The following MB21D2 variants were observed in gnomAD, a reference collection of about 807,000 sequenced individuals.
The protein encoded by MB21D2 is nucleotidyltransferase MB21D2.
In MB21D2, 9 loss-of-function variants were observed where a neutral mutation model predicts 33.3. That is an observed-to-expected ratio of 0.27 (90% CI 0.16 to 0.47). The LOEUF (loss-of-function observed/expected upper bound fraction) is 0.47. Among genes scored for constraint, MB21D2 ranks in the 20% least tolerant of loss-of-function variants. The probability of loss-of-function intolerance (pLI) is 0.99; values close to 1 mark genes in which losing one functional copy is unlikely to be tolerated. For missense variants in MB21D2, 540 were observed against 624.6 expected (o/e 0.86, Z 1.44); for synonymous variants, 241 against 236.3 (o/e 1.02, Z -0.18).
At chr3:192,851,701 T>C (rs1660332858) in intron 1 of MB21D2, among the ~76,000 whole-genome samples, 2 of 152,104 alleles carry the variant, frequency 1.3e-5, no homozygotes, top group East Asian at 1.9e-4. Flanking sequence ...GGTTTTGCCA[T>C]GTTTGCCAGG....
chr3:192,897,519 G>A (rs574132614), intron 1 of MB21D2, among the ~76,000 whole-genome samples: 2 of 152,188 alleles, frequency 1.3e-5, no homozygotes, highest in Admixed American at 6.5e-5. Context: ...ATTCAGTCCG[G>A]GTGATTATGG....
chr3:192,917,135 A>G (rs1344967084), intron 1 of MB21D2, among the ~76,000 whole-genome samples: 5 of 152,224 alleles, frequency 3.3e-5, no homozygotes, highest in African/African-American at 4.8e-5. Flanking sequence ...CCGCGAGACG[A>G]CAGAAGCAAC....
chr3:192,804,434 C>T (rs1165422016), intron 1 of MB21D2, among the ~76,000 whole-genome samples: 3 of 135,972 alleles, frequency 2.2e-5, no homozygotes, highest in Admixed American at 1.6e-4. Context: ...GATACACACA[C>T]ACACACACAC....
chr3:192,847,643 A>C (rs776326030), intron 1 of MB21D2, among the ~76,000 whole-genome samples: 6 of 152,298 alleles, frequency 3.9e-5, no homozygotes, highest in Non-Finnish European at 4.4e-5. Context: ...GACAAACAAC[A>C]ATTCCCAATT....
intron 1 of MB21D2, among the ~76,000 whole-genome samples, chr3:192,855,565 C>T (rs1712898602): frequency 1.3e-5 from 2 of 152,112 alleles, no homozygotes; most frequent in African/African-American, 2.4e-5. Context: ...TTGAGGTATA[C>T]CTCTATGCAG....
At chr3:192,879,488 C>A (rs1422432607) in intron 1 of MB21D2, among the ~76,000 whole-genome samples, 1 of 152,250 alleles carries the variant, frequency 6.6e-6, no homozygotes, top group African/African-American at 2.4e-5. Context: ...TGAACTGCGT[C>A]CTTCATACTC....
At chr3:192,861,185 A>G (rs1211210469) in intron 1 of MB21D2, among the ~76,000 whole-genome samples, 2 of 152,216 alleles carry the variant, frequency 1.3e-5, no homozygotes, top group African/African-American at 2.4e-5. Context: ...CAAGAAGTGG[A>G]GCCAGGTATG....
intron 1 of MB21D2, among the ~76,000 whole-genome samples, chr3:192,814,012 C>T (rs750780937): frequency 1.3e-5 from 2 of 152,156 alleles, no homozygotes; most frequent in Admixed American, 6.5e-5. Flanking sequence ...TTCCACATGG[C>T]TTATTAACAA....
intron 1 of MB21D2, among the ~76,000 whole-genome samples, chr3:192,853,028 GTC>G (rs10541418): frequency 0.051 from 7,483 of 147,798 alleles, 345 homozygotes; most frequent in East Asian, 0.14. Context: ...ATCTCTCTCT[GTC>G]TCTCTCTCTC....
intron 1 of MB21D2, among the ~76,000 whole-genome samples, chr3:192,812,076 C>T (rs1376942403): frequency 6.6e-6 from 1 of 152,030 alleles, no homozygotes; most frequent in African/African-American, 2.4e-5. Context: ...GAGATGGAGT[C>T]TCACTCTGTT....
At chr3:192,909,271 A>AT (rs200973643) in intron 1 of MB21D2, among the ~76,000 whole-genome samples, 5,548 of 151,210 alleles carry the variant, frequency 0.037, 116 homozygotes, top group African/African-American at 0.05. Context: ...AAAAAAATAA[A>AT]AAATAAAAAA....
chr3:192,901,718 A>G (rs1679820575), intron 1 of MB21D2, among the ~76,000 whole-genome samples: 1 of 152,238 alleles, frequency 6.6e-6, no homozygotes, highest in South Asian at 2.1e-4. Context: ...AAAGAGGCCA[A>G]TCCCTTAGTT....
At chr3:192,880,414 AAAGTC>A (rs1713534655) in intron 1 of MB21D2, among the ~76,000 whole-genome samples, 1 of 152,118 alleles carries the variant, frequency 6.6e-6, no homozygotes, top group Admixed American at 6.5e-5. Flanking sequence ...ATGCTGAGAC[AAAGTC>A]TGGGGTTCAA....
intron 1 of MB21D2, among the ~76,000 whole-genome samples, chr3:192,828,939 G>T (rs981705451): frequency 1.3e-5 from 2 of 151,408 alleles, no homozygotes; most frequent in African/African-American, 4.9e-5. Context: ...ATAAGCCAAC[G>T]TGCCCGGCCA....
intron 1 of MB21D2, among the ~76,000 whole-genome samples, chr3:192,908,669 C>G (rs1246973547): frequency 1.3e-5 from 2 of 151,680 alleles, no homozygotes; most frequent in Non-Finnish European, 2.9e-5. Flanking sequence ...CCGCCCTCCT[C>G]GGCCTCCCAA....
In MB21D2 at chr3:192,799,406, G is replaced by A; in HGVS notation, c.456C>T (p.Leu152=). 6.2e-7 allele frequency: 1 copy of A among 1,614,256 alleles called. No homozygotes were observed. The highest frequency in any genetic ancestry group is 8.5e-7 in the Non-Finnish European group (1 of 1,180,046). The stretch of plus-strand genomic sequence containing the variant: ...ATTTACTGATTGTCCCCTCATCAAA[G>A]AGCCGAAGGCTCAGCCAAGAGTGGC... ...ALCHSWLSLR[L]FDEGTISKWK... Residue 152 remains leucine, a synonymous_variant, in exon 2 of 2, where the codon CTC becomes CTT. Transcript: ENST00000392452. This position sits in a 1 kb window ranked among gnomAD's most constrained non-coding sequence, Gnocchi z 4.1.
At chr3:192,912,176 C>T (rs558945452) in intron 1 of MB21D2, among the ~76,000 whole-genome samples, 4 of 152,290 alleles carry the variant, frequency 2.6e-5, no homozygotes, top group African/African-American at 7.2e-5. Flanking sequence ...AGCAAAATAT[C>T]CTGCTAGAGT....
chr3:192,873,168 A>G lies in MB21D2; in HGVS notation c.211+44462T>C, dbSNP rs78048967. 6.1e-4 allele frequency among the ~76,000 whole-genome samples: 93 copies of G among 152,136 alleles called. 1 individual carries two copies. The East Asian group carries it at 0.014, about 23-fold the overall frequency. ...CCCTGGCTCTATCTGCCTCCCTCCA[A>G]TTTGACAAGGGCTACAATAGAATGG... On this transcript the variant is annotated intron_variant, in intron 1 of 1. Transcript: ENST00000392452.
At chr3:192,899,714 A>G (rs1714052354) in intron 1 of MB21D2, among the ~76,000 whole-genome samples, 1 of 142,296 alleles carries the variant, frequency 7.0e-6, no homozygotes, top group Non-Finnish European at 1.6e-5. Context: ...GGAGAGAAGA[A>G]AACATAGTCC....
Sources: gnomAD v4.1 joint callset for allele counts (sites outside exome capture counted in the v4.1 genomes callset) on GRCh38, gnomAD v4.1.1 for gene constraint, Gnocchi (gnomAD v3.1) non-coding constraint, MANE v1.5 for transcripts, NCBI Gene and HGNC (gene_info 2026-07-23, HGNC 2026-07-21) for gene names.